The following DAAM1 variants were observed in gnomAD, a reference collection of about 807,000 sequenced individuals.
DAAM1 encodes the protein dishevelled associated activator of morphogenesis 1, also known as disheveled-associated activator of morphogenesis 1.
In DAAM1, 52 loss-of-function variants were observed where a neutral mutation model predicts 130.0. The ratio of observed to expected loss-of-function variants is 0.40; its 90% CI spans 0.32 to 0.50. The LOEUF is 0.50. DAAM1 is among the 20% of genes least tolerant of loss of function. The pLI, the probability that DAAM1 is intolerant of heterozygous loss-of-function variation, is 0.61. For missense variants in DAAM1, 1,134 were observed against 1,303.8 expected, an observed-to-expected ratio of 0.87 and a Z score of 2.01; for synonymous variants, 452 against 444.5, an observed-to-expected ratio of 1.02 and a Z score of -0.21.
At chr14:59,352,495 C>A (rs779721720) in intron 17 of DAAM1, 31 bp from the exon 18 acceptor site, 1 of 1,548,496 alleles carries the variant, frequency 6.5e-7, no homozygotes, top group Non-Finnish European at 8.9e-7. Flanking sequence ...AGTGATAAAC[C>A]TCAGTTTTAA....
At chr14:59,200,234 G>A (rs1186672482) in intron 1 of DAAM1, among the ~76,000 whole-genome samples, 1 of 152,126 alleles carries the variant, frequency 6.6e-6, no homozygotes, top group Non-Finnish European at 1.5e-5. Context: ...GATCTAGTAG[G>A]TAAACAGCTT....
At position 59,222,493 on chromosome 14, in the gene DAAM1, C is replaced by A. The variant is rs199831226; in HGVS notation, c.-38+33725C>A. Among the ~76,000 whole-genome samples, 23 of 152,296 alleles carry A rather than the reference C, an allele frequency of 1.5e-4. 1 individual carries two copies. The East Asian group carries it at 4.1e-3, about 27-fold the overall frequency. ...GCTCAGTGTTGGTCTTTGCTGCTGG[C>A]AGATTGGGCACTCAGCAGTGGCTGT... is the stretch of plus-strand genomic sequence containing the variant. On this transcript the variant is annotated intron_variant, in intron 1 of 24. Transcript: ENST00000360909.
intron 3 of DAAM1, among the ~76,000 whole-genome samples, chr14:59,309,524 G>T (rs935184586): frequency 6.6e-6 from 1 of 152,180 alleles, no homozygotes; most frequent in African/African-American, 2.4e-5. Flanking sequence ...ACTATGGCCC[G>T]TGGGCTAATT....
At chr14:59,329,179 A>G (rs1885326705) in intron 12 of DAAM1, among the ~76,000 whole-genome samples, 1 of 152,194 alleles carries the variant, frequency 6.6e-6, no homozygotes, top group African/African-American at 2.4e-5. Context: ...GACTTCTTGG[A>G]ATAGTGTCTG....
At chr14:59,211,285 G>A (rs139299197) in intron 1 of DAAM1, among the ~76,000 whole-genome samples, 1 of 152,278 alleles carries the variant, frequency 6.6e-6, no homozygotes, top group Non-Finnish European at 1.5e-5. Flanking sequence ...TTATGGTTCT[G>A]TTCAGATTTT....
At chr14:59,301,939 TC>T (rs1308906149) in intron 3 of DAAM1, among the ~76,000 whole-genome samples, 1 of 152,192 alleles carries the variant, frequency 6.6e-6, no homozygotes, top group Non-Finnish European at 1.5e-5. Flanking sequence ...GGATACCATC[TC>T]TCCTTGTGCT....
intron 23 of DAAM1, among the ~76,000 whole-genome samples, chr14:59,366,563 C>A (rs1292848856): frequency 1.3e-5 from 2 of 152,122 alleles, no homozygotes; most frequent in Admixed American, 6.5e-5. Flanking sequence ...CTATACCCTA[C>A]AATATTTTGT....
chr14:59,280,225 G>C (rs1252994), intron 2 of DAAM1, among the ~76,000 whole-genome samples: 149,777 of 152,314 alleles, frequency 0.98, 73,689 homozygotes, highest in East Asian at 1. Context: ...TACTTAACAT[G>C]TGTACATTTC....
chr14:59,250,370 C>G (rs1180179580), intron 1 of DAAM1, among the ~76,000 whole-genome samples: 1 of 152,128 alleles, frequency 6.6e-6, no homozygotes, highest in Admixed American at 6.5e-5. Flanking sequence ...TGTTGGCTAA[C>G]ATAGAAAAAC....
chr14:59,209,891 A>G (rs1023076884), intron 1 of DAAM1, among the ~76,000 whole-genome samples: 2 of 152,094 alleles, frequency 1.3e-5, no homozygotes, highest in African/African-American at 2.4e-5. Flanking sequence ...CCAAGGCAGG[A>G]GGATCACTTG....
chr14:59,210,794 A>G (rs1161845282), intron 1 of DAAM1, among the ~76,000 whole-genome samples: 1 of 152,260 alleles, frequency 6.6e-6, no homozygotes, highest in African/African-American at 2.4e-5. Context: ...GAAATGATAC[A>G]TAGTTTTTCC....
intron 1 of DAAM1, among the ~76,000 whole-genome samples, chr14:59,249,728 A>G (rs1449268576): frequency 6.6e-6 from 1 of 152,190 alleles, no homozygotes; most frequent in African/African-American, 2.4e-5. Flanking sequence ...ATTCACTGAT[A>G]AGGAGGACCC....
intron 1 of DAAM1, among the ~76,000 whole-genome samples, chr14:59,197,896 TA>T (rs1421554902): frequency 6.6e-6 from 1 of 152,154 alleles, no homozygotes; most frequent in Non-Finnish European, 1.5e-5. Flanking sequence ...CTTCCCCCCT[TA>T]ACCCTCTAGC....
intron 15 of DAAM1, among the ~76,000 whole-genome samples, chr14:59,333,724 GA>G (rs1885528439): frequency 6.6e-6 from 1 of 152,238 alleles, no homozygotes; most frequent in Non-Finnish European, 1.5e-5. Flanking sequence ...TGTTCCAAAT[GA>G]TGCTATTCAA....
At position 59,347,495 on chromosome 14, in the gene DAAM1, A is replaced by C. The variant is rs954917879; in HGVS notation, c.2076-44A>C. Reference sequence around the variant, plus strand: ...GCAAAGTGAATTATGTTAAATTTTAATACTCAAACCAATATGGTTAATAAC... The same window carrying C: ...GCAAAGTGAATTATGTTAAATTTTACTACTCAAACCAATATGGTTAATAAC... On this transcript the variant is annotated intron_variant, in intron 16 of 24. Coordinates refer to ENST00000360909, the MANE Select transcript of DAAM1 (RefSeq NM_001270520.2). The C allele has an allele frequency of 1.9e-6, 3 of 1,560,768 alleles. No individual in the cohort carries two copies. In the African/African-American group the frequency reaches 4.1e-5, roughly 21 times the overall value.
chr14:59,210,002 G>A (rs1463207387), intron 1 of DAAM1, among the ~76,000 whole-genome samples: 1 of 152,142 alleles, frequency 6.6e-6, no homozygotes, highest in African/African-American at 2.4e-5. Context: ...TGGGCATGGT[G>A]GTACACACCT....
At chr14:59,228,301 C>T (rs1889003393) in intron 1 of DAAM1, among the ~76,000 whole-genome samples, 1 of 152,088 alleles carries the variant, frequency 6.6e-6, no homozygotes, top group Admixed American at 6.6e-5. Flanking sequence ...TTTCCCATGA[C>T]ATAAGTTAGA....
chr14:59,255,289 G>A (rs1881826944), intron 1 of DAAM1, among the ~76,000 whole-genome samples: 1 of 152,136 alleles, frequency 6.6e-6, no homozygotes, highest in Non-Finnish European at 1.5e-5. Flanking sequence ...ACTGAGAAAC[G>A]CCCTTTCCGT....
chr14:59,220,877 T>A (rs1888748333), intron 1 of DAAM1, among the ~76,000 whole-genome samples: 1 of 152,222 alleles, frequency 6.6e-6, no homozygotes, highest in South Asian at 2.1e-4. Flanking sequence ...GATTGGATGA[T>A]GCCCACGCAC....
Sources: gnomAD v4.1 joint callset for allele counts (sites outside exome capture counted in the v4.1 genomes callset) on GRCh38, gnomAD v4.1.1 for gene constraint, MANE v1.5 for transcripts, NCBI Gene and HGNC (gene_info 2026-07-23, HGNC 2026-07-21) for gene names.